CFAP58: variants seen among roughly 807,000 people sequenced by gnomAD.
CFAP58 encodes cilia- and flagella-associated protein 58.
In CFAP58, 88 loss-of-function variants were observed where a neutral mutation model predicts 119.5. The ratio of observed to expected loss-of-function variants is 0.74; its 90% CI spans 0.62 to 0.88. CFAP58 has a LOEUF of 0.88. CFAP58 is among the 40% of genes least tolerant of loss of function. CFAP58 has a pLI of 0.00. For synonymous variants in CFAP58, 365 were observed against 366.3 expected, an observed-to-expected ratio of 1.00 and a Z score of 0.04; for missense variants, 990 against 1,021.2, an observed-to-expected ratio of 0.97 and a Z score of 0.42.
At chr10:104,423,806 G>GT (rs746156539) in intron 15 of CFAP58, among the ~76,000 whole-genome samples, 17 of 152,268 alleles carry the variant, frequency 1.1e-4, no homozygotes, top group Non-Finnish European at 1.9e-4. Flanking sequence ...GAAGAAAATA[G>GT]TTGCCAACAA....
chr10:104,396,369 T>TGAGAGAGAGAGAGAGAGAGAGAGAGA (rs57210958), intron 11 of CFAP58, among the ~76,000 whole-genome samples: 16 of 86,888 alleles, frequency 1.8e-4, no homozygotes, highest in Non-Finnish European at 3.0e-4. Flanking sequence ...CTGTTATCCA[T>TGAGAGAGAGAGAGAGAGAGAGAGAGA]GAGAGAGAGA....
rs748938982 is a variant in CFAP58 at position 104,447,782 on chromosome 10, C to T, written c.2341C>T (p.Arg781Ter). ...PEAAEQLKLY[R>*]RTLHDKKQQL... ...GGCTGCGGAACAGCTGAAGCTGTAC[C>T]GACGCACGCTGCATGACAAGAAGCA... is the stretch of plus-strand genomic sequence containing the variant. The change falls in exon 16 of 18, where the codon CGA (arginine) becomes TGA (stop). Residue 781 changes from arginine (R) to a stop codon, truncating the protein, a stop_gained. Transcript: ENST00000369704. LOFTEE classifies it high-confidence loss of function. 1.1e-5 allele frequency: 17 copies of T among 1,613,854 alleles called. No homozygotes were observed. Among genetic ancestry groups the T allele is most frequent in the Middle Eastern group, 1.6e-4 (1 of 6,084 alleles).
intron 15 of CFAP58, among the ~76,000 whole-genome samples, chr10:104,415,903 G>A (rs892141240): frequency 2.0e-5 from 3 of 152,222 alleles, no homozygotes; most frequent in African/African-American, 7.2e-5. Context: ...CCCTGAGTGT[G>A]TTCTAATGAC....
intron 13 of CFAP58, among the ~76,000 whole-genome samples, chr10:104,402,163 G>A (rs2012277313): frequency 6.6e-6 from 1 of 152,192 alleles, no homozygotes; most frequent in Non-Finnish European, 1.5e-5. Flanking sequence ...CCTTGGGCAA[G>A]TCACTGACCT....
chr10:104,374,387 G>A (rs2014861805), intron 7 of CFAP58, among the ~76,000 whole-genome samples: 1 of 145,422 alleles, frequency 6.9e-6, no homozygotes, highest in African/African-American at 2.5e-5. Flanking sequence ...AGAGGCAGAG[G>A]TTGCAGTGAG....
At chr10:104,346,631 G>GTTTT in the CFAP58 span, among the ~76,000 whole-genome samples, 3 of 94,890 alleles carry the variant, frequency 3.2e-5, no homozygotes, top group African/African-American at 9.7e-5. Context: ...GAGCCATTTA[G>GTTTT]TCTTTTTTTT....
intron 15 of CFAP58, among the ~76,000 whole-genome samples, chr10:104,441,969 T>C (rs2013043607): frequency 1.3e-5 from 2 of 152,334 alleles, no homozygotes; most frequent in East Asian, 3.9e-4. Flanking sequence ...TAGATAGAAA[T>C]GTAATATGTT....
chr10:104,365,706 G>A, intron 4 of CFAP58, 108 bp from the exon 5 acceptor site: 1 of 943,042 alleles, frequency 1.1e-6, no homozygotes, highest in African/African-American at 1.7e-5. Flanking sequence ...CTACTGCAAA[G>A]TGCTGCCTTG....
In CFAP58 at chr10:104,364,865, G is replaced by C; in HGVS notation, c.573G>C (p.Glu191Asp). 2.5e-6 allele frequency: 4 copies of C among 1,610,980 alleles called. No individual in the cohort carries two copies. Among genetic ancestry groups the C allele is most frequent in the Non-Finnish European group, 3.4e-6 (4 of 1,178,610 alleles). The stretch of plus-strand genomic sequence containing the variant: ...AGCAGGAAACAGAGCGATCAAAAGA[G>C]GAGGCTGAACATGCCATCAGTCAGG... ...EQQQETERSK[E>D]EAEHAISQFQ... Residue 191 changes from glutamate (E) to aspartate (D), a missense_variant, in exon 4 of 18, where the codon GAG (glutamate) becomes GAC (aspartate). Transcript: ENST00000369704.
At position 104,357,777 on chromosome 10, in the gene CFAP58, ATG is replaced by A. The variant is rs773435421; in HGVS notation, c.10-558_10-557del. Reference sequence around the variant, plus strand: ...ATGTATAATGTGTATGTGTGTATATATGTGTGTTTATATACATATATATACAC... The same window carrying A: ...ATGTATAATGTGTATGTGTGTATATATGTGTTTATATACATATATATACAC... On this transcript the variant is annotated intron_variant, in intron 1 of 17. Coordinates refer to ENST00000369704, the MANE Select transcript of CFAP58 (RefSeq NM_001008723.2). Among the ~76,000 whole-genome samples, 152 of 150,330 alleles carry A rather than the reference ATG, an allele frequency of 1.0e-3. 1 individual carries two copies. The highest frequency in any genetic ancestry group is 2.6e-3 in the African/African-American group (106 of 40,110).
rs1444369249 is a variant in CFAP58, at chr10:104,362,335, A to G, written c.440+164A>G. Among the ~76,000 whole-genome samples, 3 of 152,196 alleles carry G rather than the reference A, an allele frequency of 2.0e-5. No individual in the cohort carries two copies. The East Asian group carries it at 5.8e-4, about 29-fold the overall frequency. ...TTTTCTGTCTGTTGCATTTTAAGTA[A>G]TGTTCTTTTCTCCACACCTAAGAAC... On this transcript the variant is annotated intron_variant, in intron 3 of 17. Coordinates refer to ENST00000369704, the MANE Select transcript of CFAP58 (RefSeq NM_001008723.2).
chr10:104,364,438 A>G (rs1359738957), intron 3 of CFAP58, among the ~76,000 whole-genome samples: 1 of 144,964 alleles, frequency 6.9e-6, no homozygotes, highest in East Asian at 1.9e-4. Flanking sequence ...ACACACACAC[A>G]CACACACACA....
At chr10:104,378,928 A>T (rs2011724590) in intron 8 of CFAP58, among the ~76,000 whole-genome samples, 1 of 151,976 alleles carries the variant, frequency 6.6e-6, no homozygotes, top group Non-Finnish European at 1.5e-5. Context: ...AAAAAAAAAA[A>T]AGTAGGTGCC....
chr10:104,354,166 C>A (rs976148007), intron 1 of CFAP58, among the ~76,000 whole-genome samples: 1 of 152,174 alleles, frequency 6.6e-6, no homozygotes, highest in Non-Finnish European at 1.5e-5. Flanking sequence ...TTAATGAATT[C>A]TGAAATCCAC....
chr10:104,428,466 AAC>A (rs2012787940), intron 15 of CFAP58, among the ~76,000 whole-genome samples: 1 of 152,202 alleles, frequency 6.6e-6, no homozygotes, highest in South Asian at 2.1e-4. Flanking sequence ...TAAAAGATTC[AAC>A]CAATTTAGAA....
intron 15 of CFAP58, among the ~76,000 whole-genome samples, chr10:104,441,220 C>A (rs1277262265): frequency 6.6e-6 from 1 of 152,220 alleles, no homozygotes; most frequent in Non-Finnish European, 1.5e-5. Flanking sequence ...CCAGGCTGGT[C>A]TCAAACTCCT....
intron 8 of CFAP58, among the ~76,000 whole-genome samples, chr10:104,379,193 G>A (rs1242813458): frequency 6.6e-6 from 1 of 151,754 alleles, no homozygotes; most frequent in Non-Finnish European, 1.5e-5. Flanking sequence ...CCCACCCCTG[G>A]CAACTACGAA....
intron 6 of CFAP58, among the ~76,000 whole-genome samples, chr10:104,370,504 T>C (rs1005659165): frequency 2.0e-5 from 3 of 152,114 alleles, no homozygotes; most frequent in African/African-American, 7.2e-5. Context: ...CTCGTGAGAC[T>C]TAGTTTGTAT....
intron 7 of CFAP58, among the ~76,000 whole-genome samples, chr10:104,374,088 G>A (rs2014857654): frequency 6.6e-6 from 1 of 152,144 alleles, no homozygotes; most frequent in Non-Finnish European, 1.5e-5. Flanking sequence ...TCTATATTCT[G>A]TATTCTCTAT....
Sources: allele counts gnomAD v4.1 joint callset (sites outside exome capture counted in the v4.1 genomes callset), GRCh38; gene constraint gnomAD v4.1.1; transcripts MANE v1.5; gene names NCBI Gene and HGNC (gene_info 2026-07-23, HGNC 2026-07-21).